The following OXNAD1 variants were observed in gnomAD, a reference collection of about 807,000 sequenced individuals.
OXNAD1 encodes oxidoreductase NAD binding domain containing 1, also known as oxidoreductase NAD-binding domain-containing protein 1.
In OXNAD1, 34 loss-of-function variants were observed where a neutral mutation model predicts 32.9. The observed-to-expected ratio is 1.03, with a 90% CI of 0.79 to 1.38. OXNAD1 has a LOEUF of 1.38. Ranked by LOEUF, OXNAD1 falls within the 40% of genes most tolerant of loss-of-function variation. OXNAD1 has a pLI of 0.00. For synonymous variants in OXNAD1, 134 were observed against 135.2 expected, an observed-to-expected ratio of 0.99 and a Z score of 0.06; for missense variants, 407 against 379.4, an observed-to-expected ratio of 1.07 and a Z score of -0.60.
In OXNAD1 at chr3:16,336,304, C is replaced by A. The variant is rs992499840; in HGVS notation, c.*31-808C>A. ...GTGCCACTTGGGAAGCCTCTTCTGC[C>A]CCAGGAGATCCCAGTCTAGGGGTGG... On this transcript the variant is annotated intron_variant, in intron 9 of 9. Coordinates refer to the OXNAD1 transcript ENST00000435829. This position sits in a 1 kb window ranked among gnomAD's most constrained non-coding sequence, Gnocchi z 6.0. Among the ~76,000 whole-genome samples, 1 of 152,182 alleles carries A rather than the reference C, an allele frequency of 6.6e-6. No homozygotes were observed. Among genetic ancestry groups the A allele is most frequent in the Non-Finnish European group, 1.5e-5 (1 of 68,020 alleles).
At chr3:16,338,038 C>CT (rs955023588), downstream of OXNAD1, among the ~76,000 whole-genome samples, 1 of 152,206 alleles carries the variant, frequency 6.6e-6, no homozygotes, top group African/African-American at 2.4e-5. The surrounding 1 kb of genome is among the most constrained non-coding windows in gnomAD (Gnocchi z 5.3). Flanking sequence ...CTGGCTTCTC[C>CT]TAAAGCACCA....
downstream of OXNAD1, among the ~76,000 whole-genome samples, chr3:16,306,765 G>A (rs939897232): frequency 6.6e-5 from 10 of 152,120 alleles, no homozygotes; most frequent in African/African-American, 2.2e-4. Context: ...GTTTATATTC[G>A]GATTCAAGAT....
In OXNAD1 at chr3:16,336,281, G is replaced by T. The variant is rs958719826; in HGVS notation, c.*31-831G>T. 2.6e-5 allele frequency among the ~76,000 whole-genome samples: 4 copies of T among 152,236 alleles called. No individual in the cohort carries two copies. In the South Asian group the frequency reaches 8.3e-4, roughly 32 times the overall value. On this transcript the variant is annotated intron_variant, in intron 9 of 9. Transcript: ENST00000435829. This position sits in a 1 kb window ranked among gnomAD's most constrained non-coding sequence, Gnocchi z 6.0. The stretch of plus-strand genomic sequence containing the variant: ...ATTCAGTCAGCCTGGCTCTGTCTGT[G>T]CCACTTGGGAAGCCTCTTCTGCCCC...
In OXNAD1 at chr3:16,321,796, A is replaced by G. The variant is rs916619134; in HGVS notation, c.*31-15316A>G. Among the ~76,000 whole-genome samples, 1 of 152,124 alleles carries G rather than the reference A, an allele frequency of 6.6e-6. No individual in the cohort carries two copies. Among genetic ancestry groups the G allele is most frequent in the African/African-American group, 2.4e-5 (1 of 41,418 alleles). ...AAACAGTGGGTCCCATCCTCTCTGA[A>G]TTTTCCCTGAGGAGAGTCAGTTCAA... On this transcript the variant is annotated intron_variant, in intron 9 of 9. Coordinates refer to the OXNAD1 transcript ENST00000435829. This position sits in a 1 kb window ranked among gnomAD's most constrained non-coding sequence, Gnocchi z 4.8.
chr3:16,347,149 C>G, intron 9 of OXNAD1, among the ~76,000 whole-genome samples: 1 of 152,316 alleles, frequency 6.6e-6, no homozygotes, highest in African/African-American at 2.4e-5. Flanking sequence ...TGATGAAAAT[C>G]CCACTATGGC....
chr3:16,285,304 G>A (rs1180869048), intron 4 of OXNAD1, among the ~76,000 whole-genome samples: 1 of 152,212 alleles, frequency 6.6e-6, no homozygotes, highest in Non-Finnish European at 1.5e-5. Context: ...GCTAGCATTA[G>A]GATGGGACGT....
In OXNAD1 at chr3:16,299,644, G is replaced by GAA. The variant is rs1309289394; in HGVS notation, c.433-1981_433-1980dup. The stretch of plus-strand genomic sequence containing the variant: ...AGAGACCAAATTAAATTCATGTCCA[G>GAA]AAGTACCTACTGCTCACCTGACATG... On this transcript the variant is annotated intron_variant, in intron 6 of 8. Coordinates refer to ENST00000285083, the MANE Select transcript of OXNAD1 (RefSeq NM_138381.5). This position sits in a 1 kb window ranked among gnomAD's most constrained non-coding sequence, Gnocchi z 4.4. Among the ~76,000 whole-genome samples the GAA allele has an allele frequency of 6.6e-6, 1 of 152,164 alleles. No individual in the cohort carries two copies. The highest frequency in any genetic ancestry group is 2.4e-5 in the African/African-American group (1 of 41,438).
In OXNAD1 at chr3:16,288,108, C is replaced by A. The variant is rs543965770; in HGVS notation, c.290+1660C>A. On this transcript the variant is annotated intron_variant, in intron 5 of 8. Coordinates refer to ENST00000285083, the MANE Select transcript of OXNAD1 (RefSeq NM_138381.5). The surrounding 1 kb of genome is among the most constrained non-coding windows in gnomAD (Gnocchi z 5.1). The stretch of plus-strand genomic sequence containing the variant: ...TTGTGAGTTCCTTTTGATATTTGAC[C>A]TTATGGTCACAGAATGGCCATTTTG... Among the ~76,000 whole-genome samples the A allele has an allele frequency of 1.4e-4, 21 of 152,216 alleles. 1 individual carries two copies. The South Asian group carries it at 4.1e-3, about 30-fold the overall frequency.
chr3:16,345,848 GCA>G lies in OXNAD1; in HGVS notation c.*31-3327_*31-3326del, dbSNP rs571589932. Among the ~76,000 whole-genome samples the G allele has an allele frequency of 0.23, 19,226 of 82,684 alleles. 1,441 individuals carry two copies. The highest frequency in any genetic ancestry group is 0.42 in the Middle Eastern group (62 of 148). The allele number at this position is 82,684 out of a possible 152,430, so 54.2% of individuals were successfully genotyped here. A position where few individuals can be genotyped will look rare whatever the true frequency, so the allele number is the denominator to read the frequency against. On this transcript the variant is annotated intron_variant, in intron 9 of 9. Transcript: ENST00000606098. This position sits in a 1 kb window ranked among gnomAD's most constrained non-coding sequence, Gnocchi z 5.2. Reference sequence around the variant, plus strand: ...CGCGCGTGCGCGCACGCGCACATGTGCATGTGTATGTGTATAATCTCCTACTG... The same window carrying G: ...CGCGCGTGCGCGCACGCGCACATGTGTGTGTATGTGTATAATCTCCTACTG...
At chr3:16,313,103 T>C (rs1187951701) in intron 9 of OXNAD1, among the ~76,000 whole-genome samples, 2 of 151,440 alleles carry the variant, frequency 1.3e-5, no homozygotes, top group East Asian at 1.9e-4. Context: ...TGGAGTGCAG[T>C]GGTGTGCCCA....
chr3:16,294,109 C>A (rs2066605276), intron 5 of OXNAD1, among the ~76,000 whole-genome samples: 1 of 151,964 alleles, frequency 6.6e-6, no homozygotes. Context: ...GAGAAGTGTT[C>A]TCTTCTGTTT....
At chr3:16,324,967 T>C (rs907293440) in intron 9 of OXNAD1, among the ~76,000 whole-genome samples, 1 of 152,202 alleles carries the variant, frequency 6.6e-6, no homozygotes, top group Non-Finnish European at 1.5e-5. Flanking sequence ...CTCTTTTCTC[T>C]ATACCCTTGT....
Position 16,316,721 on chromosome 3 carries a change from A to C in OXNAD1, c.*30+13129A>C. 2.2e-6 allele frequency: 3 copies of C among 1,377,218 alleles called. No individual in the cohort carries two copies. The highest frequency in any genetic ancestry group is 2.0e-6 in the Non-Finnish European group (2 of 978,452). 85.3% of individuals were successfully genotyped at this position (1,377,218 alleles called of 1,614,324 possible). A position where few individuals can be genotyped will look rare whatever the true frequency, so the allele number is the denominator to read the frequency against. ...CACAAGGAGAGGTCAAGCCAAGCCA[A>C]AGGGTAGGTAACACACAACACCAGG... On this transcript the variant is annotated intron_variant, in intron 9 of 9. Transcript: ENST00000435829. The surrounding 1 kb of genome is among the most constrained non-coding windows in gnomAD (Gnocchi z 4.5).
chr3:16,323,640 C>G (rs2069342997), intron 9 of OXNAD1, among the ~76,000 whole-genome samples: 1 of 152,206 alleles, frequency 6.6e-6, no homozygotes, highest in Non-Finnish European at 1.5e-5. Context: ...GAGGGGCTAT[C>G]TCAGATGCCC....
chr3:16,294,704 T>G, intron 5 of OXNAD1, 152 bp from the exon 6 acceptor site: 4 of 742,550 alleles, frequency 5.4e-6, no homozygotes, highest in Non-Finnish European at 8.0e-6. Flanking sequence ...ATAATTCTTT[T>G]TATTTCTATA....
chr3:16,282,554 A>T (rs1461934841), intron 4 of OXNAD1, among the ~76,000 whole-genome samples: 1 of 152,152 alleles, frequency 6.6e-6, no homozygotes, highest in Non-Finnish European at 1.5e-5. Flanking sequence ...AGGCAAAAAC[A>T]TTATATTGGT....
intron 9 of OXNAD1, among the ~76,000 whole-genome samples, chr3:16,328,117 G>A (rs780423922): frequency 1.1e-4 from 16 of 152,360 alleles, no homozygotes; most frequent in Non-Finnish European, 1.9e-4. Context: ...AGGCTAGCAG[G>A]GGCAACAGCA....
chr3:16,339,980 T>G (rs2071204306), downstream of OXNAD1: 1 of 152,218 alleles, frequency 6.6e-6, no homozygotes, highest in Admixed American at 6.5e-5. Flanking sequence ...AAATGTGAAT[T>G]AATTTGCCAG....
chr3:16,307,738 TTTTTG>T (rs5846917), downstream of OXNAD1, among the ~76,000 whole-genome samples: 97,765 of 151,636 alleles, frequency 0.64, 32,510 homozygotes, highest in African/African-American at 0.81. Flanking sequence ...TTTTTTAAAC[TTTTTG>T]TTTTGAAGTA....
Sources: gnomAD v4.1 joint callset for allele counts (sites outside exome capture counted in the v4.1 genomes callset) on GRCh38, gnomAD v4.1.1 for gene constraint, Gnocchi (gnomAD v3.1) non-coding constraint, MANE v1.5 for transcripts, NCBI Gene and HGNC (gene_info 2026-07-23, HGNC 2026-07-21) for gene names.